GRM8: variants seen among roughly 807,000 people sequenced by gnomAD.
The protein encoded by GRM8 is metabotropic glutamate receptor 8.
Under a neutral mutation model 87.2 loss-of-function variants are expected in GRM8, and 47 were observed. The observed-to-expected ratio is 0.54, with a 90% confidence interval of 0.43 to 0.69. The LOEUF (loss-of-function observed/expected upper bound fraction) is 0.69, where lower values mean the gene tolerates loss of function less well. Among genes scored for constraint, GRM8 ranks in the 30% least tolerant of loss-of-function variants. The pLI is 0.00. For synonymous variants in GRM8, 396 were observed against 404.5 expected (o/e 0.98, Z 0.25); for missense variants, 1,019 against 1,139.2 (o/e 0.89, Z 1.52).
chr7:127,034,443 C>A (rs2132330555), intron 3 of GRM8, among the ~76,000 whole-genome samples: 1 of 152,242 alleles, frequency 6.6e-6, no homozygotes, highest in East Asian at 1.9e-4. Context: ...GGTACACTGC[C>A]CCAAAATAAA....
At chr7:126,479,413 C>T (rs1215770352) in intron 9 of GRM8, among the ~76,000 whole-genome samples, 1 of 152,020 alleles carries the variant, frequency 6.6e-6, no homozygotes, top group Non-Finnish European at 1.5e-5. Flanking sequence ...AATCACTAAC[C>T]TACTATATGT....
At chr7:126,759,188 C>T (rs1316876856) in intron 7 of GRM8, among the ~76,000 whole-genome samples, 7 of 151,960 alleles carry the variant, frequency 4.6e-5, no homozygotes, top group African/African-American at 1.5e-4. Context: ...TAAGCCACAG[C>T]GCCCAGCCCC....
At chr7:126,731,218 A>C (rs1288844724) in intron 7 of GRM8, among the ~76,000 whole-genome samples, 1 of 152,108 alleles carries the variant, frequency 6.6e-6, no homozygotes, top group Non-Finnish European at 1.5e-5. Flanking sequence ...CTCATAGAGA[A>C]GCCATTTTAT....
At chr7:127,024,569 C>A (rs543013166) in intron 3 of GRM8, among the ~76,000 whole-genome samples, 2 of 152,180 alleles carry the variant, frequency 1.3e-5, no homozygotes, top group South Asian at 4.1e-4. Context: ...ACACAAGAGA[C>A]GACATCTCTT....
At chr7:127,053,795 A>C (rs926318666) in intron 3 of GRM8, among the ~76,000 whole-genome samples, 1 of 83,620 alleles carries the variant, frequency 1.2e-5, no homozygotes, top group Non-Finnish European at 2.8e-5. Flanking sequence ...CTCAAAAAAA[A>C]AAAGGGGGGG....
At chr7:126,759,482 C>T (rs553456944) in intron 7 of GRM8, among the ~76,000 whole-genome samples, 22 of 152,140 alleles carry the variant, frequency 1.4e-4, no homozygotes, top group African/African-American at 5.1e-4. Context: ...TCATTAGATG[C>T]CCATCTCAGC....
At chr7:127,017,047 T>G (rs1351526487) in intron 3 of GRM8, among the ~76,000 whole-genome samples, 3 of 152,048 alleles carry the variant, frequency 2.0e-5, no homozygotes, top group Non-Finnish European at 4.4e-5. Context: ...CCTATTAATT[T>G]CAAAAAATTT....
chr7:126,882,523 T>A (rs1381831711), intron 6 of GRM8, among the ~76,000 whole-genome samples: 1 of 152,042 alleles, frequency 6.6e-6, no homozygotes, highest in East Asian at 1.9e-4. Context: ...AAAACCTGAG[T>A]ATAATTTGAC....
intron 9 of GRM8, among the ~76,000 whole-genome samples, chr7:126,469,982 C>A (rs1804971508): frequency 6.6e-6 from 1 of 151,952 alleles, no homozygotes; most frequent in Admixed American, 6.6e-5. Flanking sequence ...TGGTTTTGAC[C>A]AAAATGCTGA....
intron 7 of GRM8, among the ~76,000 whole-genome samples, chr7:126,702,574 T>C (rs906229873): frequency 3.9e-5 from 6 of 152,116 alleles, no homozygotes; most frequent in African/African-American, 1.4e-4. Flanking sequence ...ATAAGATGTG[T>C]TCCTGAAGGT....
chr7:126,916,901 C>G (rs1169551209), intron 3 of GRM8, among the ~76,000 whole-genome samples: 1 of 152,058 alleles, frequency 6.6e-6, no homozygotes, highest in Non-Finnish European at 1.5e-5. Context: ...GTAGTGTTTC[C>G]CTAGGTAATG....
At chr7:127,133,706 CAAAAAAAAA>C (rs137900224) in intron 2 of GRM8, among the ~76,000 whole-genome samples, 14,515 of 99,062 alleles carry the variant, frequency 0.15, 2,634 homozygotes, top group African/African-American at 0.44. Flanking sequence ...ACTCCCTCTC[CAAAAAAAAA>C]AAAAAAAAAA....
chr7:126,876,278 C>G (rs1799519496), intron 6 of GRM8, among the ~76,000 whole-genome samples: 1 of 152,124 alleles, frequency 6.6e-6, no homozygotes, highest in Non-Finnish European at 1.5e-5. Context: ...AAAAAACGCT[C>G]CATTGGTGTT....
intron 3 of GRM8, among the ~76,000 whole-genome samples, chr7:126,967,936 C>CA (rs1810042593): frequency 6.6e-6 from 1 of 152,160 alleles, no homozygotes; most frequent in African/African-American, 2.4e-5. Context: ...CATGACTTTA[C>CA]AATTCCATAT....
intron 6 of GRM8, among the ~76,000 whole-genome samples, chr7:126,807,180 A>G (rs1792855166): frequency 1.3e-5 from 2 of 152,190 alleles, no homozygotes; most frequent in Non-Finnish European, 2.9e-5. Flanking sequence ...GGTTAAGACT[A>G]GGTCTTCTCC....
intron 8 of GRM8, among the ~76,000 whole-genome samples, chr7:126,541,949 G>A (rs914597716): frequency 6.6e-6 from 1 of 152,104 alleles, no homozygotes; most frequent in Non-Finnish European, 1.5e-5. Context: ...CTTTAAAGAG[G>A]TAATTAAAGT....
intron 3 of GRM8, among the ~76,000 whole-genome samples, chr7:127,026,855 A>G (rs1044863312): frequency 6.6e-6 from 1 of 151,854 alleles, no homozygotes; most frequent in Non-Finnish European, 1.5e-5. Context: ...CCCATTTGTC[A>G]ATTTTGGCTT....
chr7:126,507,476 C>A (rs1048552886), intron 9 of GRM8, among the ~76,000 whole-genome samples: 10 of 152,068 alleles, frequency 6.6e-5, no homozygotes, highest in African/African-American at 1.9e-4. Context: ...TCATTTTTCT[C>A]ATCTACAATC....
In GRM8 at chr7:126,533,206, C is replaced by T. The variant is rs770313855; in HGVS notation, c.2176G>A (p.Gly726Arg). The change falls in exon 9 of 11, where the codon GGA becomes AGA. Residue 726 changes from glycine to arginine, a missense_variant. Gly to Arg is a moderately radical substitution (Grantham distance 125). Coordinates refer to ENST00000339582, the MANE Select transcript of GRM8 (RefSeq NM_000845.3). The part of the protein sequence containing the change: ...VDPPHIIIDY[G>R]EQRTLDPEKA... ...TCTGGATCTAGTGTCCGCTGCTCTC[C>T]ATAGTCAATGATGATGTGGGGGGGA... is the stretch of plus-strand genomic sequence containing the variant. The T allele has an allele frequency of 2.9e-5, 46 of 1,612,938 alleles. No homozygotes were observed. Among genetic ancestry groups the T allele is most frequent in the Admixed American group, 5.0e-5 (3 of 59,870 alleles).
Sources: gnomAD v4.1 joint callset for allele counts (sites outside exome capture counted in the v4.1 genomes callset) on GRCh38, gnomAD v4.1.1 for gene constraint, MANE v1.5 for transcripts, NCBI Gene and HGNC (gene_info 2026-07-23, HGNC 2026-07-21) for gene names.